The following RBFOX1 variants were observed in gnomAD, a reference collection of about 807,000 sequenced individuals.
RBFOX1 encodes RNA binding fox-1 homolog 1.
In RBFOX1, 8 loss-of-function variants were observed where a neutral mutation model predicts 57.7. The ratio of observed to expected loss-of-function variants is 0.14; its 90% CI spans 0.08 to 0.25. The LOEUF is 0.25. RBFOX1 is among the 10% of genes least tolerant of loss of function. RBFOX1 has a pLI of 1.00. For missense variants in RBFOX1, 611 were observed against 548.5 expected (o/e 1.11, Z -1.14); for synonymous variants, 326 against 222.4 (o/e 1.47, Z -4.15).
At chr16:5,377,040 G>T (rs533433732) in intron 1 of RBFOX1, among the ~76,000 whole-genome samples, 1 of 151,610 alleles carries the variant, frequency 6.6e-6, no homozygotes, top group African/African-American at 2.4e-5. Context: ...ATCCACTTCT[G>T]GGGGAGCCCA....
In RBFOX1 at chr16:5,731,349, A is replaced by G. The variant is rs543299200; in HGVS notation, c.318+132388A>G. Among the ~76,000 whole-genome samples, 87 of 152,346 alleles carry G rather than the reference A, an allele frequency of 5.7e-4. No individual in the cohort carries two copies. The Middle Eastern group carries it at 0.01, about 18-fold the overall frequency. ...CACCACCACTACTGTAATCACCATC[A>G]TATTAATCAATTCATATTTACAAAG... On this transcript the variant is annotated intron_variant, in intron 3 of 19. Coordinates refer to the RBFOX1 transcript ENST00000641259.
intron 1 of RBFOX1, among the ~76,000 whole-genome samples, chr16:6,041,778 G>A (rs920948975): frequency 6.6e-6 from 1 of 152,176 alleles, no homozygotes; most frequent in Non-Finnish European, 1.5e-5. Context: ...ACATCTTCCA[G>A]TTGCCTCTCC....
intron 2 of RBFOX1, among the ~76,000 whole-genome samples, chr16:6,326,645 C>G (rs115932007): frequency 6.6e-6 from 1 of 152,188 alleles, no homozygotes; most frequent in African/African-American, 2.4e-5. Flanking sequence ...TAAACCTGCA[C>G]TCTGTGCAGA....
intron 1 of RBFOX1, among the ~76,000 whole-genome samples, chr16:5,450,414 GA>G (rs1303941100): frequency 6.6e-6 from 1 of 152,156 alleles, no homozygotes; most frequent in Non-Finnish European, 1.5e-5. Context: ...AGACCACAGG[GA>G]ATTTGAGCCA....
chr16:5,622,950 C>T (rs570603886), intron 3 of RBFOX1, among the ~76,000 whole-genome samples: 1 of 152,178 alleles, frequency 6.6e-6, no homozygotes, highest in African/African-American at 2.4e-5. Context: ...TTGGCTATTA[C>T]AGGTAATCTA....
chr16:7,113,877 G>A (rs1044341601), intron 4 of RBFOX1, among the ~76,000 whole-genome samples: 3 of 151,948 alleles, frequency 2.0e-5, no homozygotes, highest in African/African-American at 7.3e-5. Flanking sequence ...GGCACTCTCG[G>A]GTCATGCATC....
At chr16:7,605,709 C>T (rs375104485) in intron 9 of RBFOX1, among the ~76,000 whole-genome samples, 10 of 152,270 alleles carry the variant, frequency 6.6e-5, no homozygotes, top group African/African-American at 1.4e-4. Context: ...GTCAAAAATA[C>T]CTTCCTTCAC....
Position 6,875,841 on chromosome 16 carries a change from C to CA in RBFOX1, c.-15-176209dup, listed in dbSNP as rs536244444. Among the ~76,000 whole-genome samples, 827 of 151,894 alleles carry CA rather than the reference C, an allele frequency of 5.4e-3. 16 individuals carry two copies. The highest frequency in any genetic ancestry group is 0.019 in the African/African-American group (793 of 41,436). Reference sequence around the variant, plus strand: ...GGAACATGGTGAAACCTCATCTCTACAAAAAAATTAGCCAGTCATGGTGGT... The same window carrying CA: ...GGAACATGGTGAAACCTCATCTCTACAAAAAAAATTAGCCAGTCATGGTGGT... On this transcript the variant is annotated intron_variant, in intron 3 of 15. Coordinates refer to ENST00000550418, the MANE Select transcript of RBFOX1 (RefSeq NM_018723.4).
At chr16:5,853,759 G>A (rs1329733044) in intron 3 of RBFOX1, among the ~76,000 whole-genome samples, 1 of 152,092 alleles carries the variant, frequency 6.6e-6, no homozygotes, top group Non-Finnish European at 1.5e-5. Context: ...TCAAATTGTG[G>A]CTTTTCTTTT....
intron 2 of RBFOX1, among the ~76,000 whole-genome samples, chr16:6,430,446 A>G (rs1321956697): frequency 6.6e-6 from 1 of 152,222 alleles, no homozygotes; most frequent in Non-Finnish European, 1.5e-5. Context: ...AGATGATGCC[A>G]GAGAAGAGCT....
At position 5,628,013 on chromosome 16, in the gene RBFOX1, C is replaced by T. The variant is rs551381347; in HGVS notation, c.318+29052C>T. Among the ~76,000 whole-genome samples, 6 of 152,302 alleles carry T rather than the reference C, an allele frequency of 3.9e-5. No individual in the cohort carries two copies. The East Asian group carries it at 7.7e-4, about 20-fold the overall frequency. ...AGCCTTAGGTATTGTCAGGCCTCTT[C>T]TGCCATCAGAGAGAGGAATTCCTTA... On this transcript the variant is annotated intron_variant, in intron 3 of 19. Coordinates refer to the RBFOX1 transcript ENST00000641259.
chr16:7,485,028 T>A (rs1177903165), intron 4 of RBFOX1, among the ~76,000 whole-genome samples: 2 of 151,278 alleles, frequency 1.3e-5, no homozygotes, highest in Admixed American at 6.6e-5. Context: ...TATCAAAATT[T>A]GTATGCAGGG....
intron 3 of RBFOX1, among the ~76,000 whole-genome samples, chr16:5,805,346 A>G (rs1441425652): frequency 2.0e-5 from 3 of 152,218 alleles, no homozygotes; most frequent in Non-Finnish European, 2.9e-5. Flanking sequence ...ATTAGCATCC[A>G]TAAGTTCAAA....
At chr16:7,371,248 T>C (rs2097560333) in intron 4 of RBFOX1, among the ~76,000 whole-genome samples, 1 of 152,100 alleles carries the variant, frequency 6.6e-6, no homozygotes, top group Non-Finnish European at 1.5e-5. Context: ...AATCAAGAAG[T>C]AAACAAATGT....
chr16:6,933,770 C>T (rs957652325), intron 3 of RBFOX1, among the ~76,000 whole-genome samples: 27 of 152,144 alleles, frequency 1.8e-4, no homozygotes, highest in African/African-American at 6.3e-4. Context: ...GAAGTATGGT[C>T]AGAACATTTT....
At chr16:7,370,750 G>A (rs1446342625) in intron 4 of RBFOX1, among the ~76,000 whole-genome samples, 1 of 152,202 alleles carries the variant, frequency 6.6e-6, no homozygotes, top group Non-Finnish European at 1.5e-5. Flanking sequence ...CGAGGTTTTG[G>A]AATGTGAGTG....
chr16:6,438,093 G>A (rs1411172659), intron 2 of RBFOX1, among the ~76,000 whole-genome samples: 2 of 152,148 alleles, frequency 1.3e-5, no homozygotes, highest in East Asian at 1.9e-4. Flanking sequence ...TATTTCTACT[G>A]ATGTCTCATC....
chr16:5,403,126 G>A (rs185904687), intron 1 of RBFOX1, among the ~76,000 whole-genome samples: 9 of 152,078 alleles, frequency 5.9e-5, no homozygotes, highest in East Asian at 3.9e-4. Flanking sequence ...CCAGGCAGGC[G>A]GATCACCTGA....
chr16:5,449,384 T>C (rs1410512435), intron 1 of RBFOX1, among the ~76,000 whole-genome samples: 1 of 152,246 alleles, frequency 6.6e-6, no homozygotes, highest in African/African-American at 2.4e-5. Context: ...ATTGTGCTTC[T>C]TTCCTTCACA....
Sources: gnomAD v4.1 joint callset for allele counts (sites outside exome capture counted in the v4.1 genomes callset) on GRCh38, gnomAD v4.1.1 for gene constraint, MANE v1.5 for transcripts, NCBI Gene and HGNC (gene_info 2026-07-23, HGNC 2026-07-21) for gene names.